The following TRAPPC9 variants were observed in gnomAD, a reference collection of about 807,000 sequenced individuals.
The protein encoded by TRAPPC9 is IKK2 binding protein.
Under a neutral mutation model 124.0 loss-of-function variants are expected in TRAPPC9, and 83 were observed. The observed-to-expected ratio is 0.67, with a 90% CI of 0.56 to 0.80. The LOEUF is 0.80. TRAPPC9 is among the 30% of genes least tolerant of loss of function. The probability of loss-of-function intolerance (pLI) is 0.00; values close to 1 mark genes in which losing one functional copy is unlikely to be tolerated. For missense variants in TRAPPC9, 1,302 were observed against 1,508.3 expected, an observed-to-expected ratio of 0.86 and a Z score of 2.27; for synonymous variants, 638 against 617.5, an observed-to-expected ratio of 1.03 and a Z score of -0.49.
chr8:139,970,895 C>T (rs1431613734), intron 19 of TRAPPC9, among the ~76,000 whole-genome samples: 3 of 152,056 alleles, frequency 2.0e-5, no homozygotes, highest in African/African-American at 7.2e-5. Flanking sequence ...ACAACCTCTG[C>T]CCCCTGTCGA....
intron 17 of TRAPPC9, among the ~76,000 whole-genome samples, chr8:140,147,027 T>C (rs1183689870): frequency 6.6e-6 from 1 of 152,260 alleles, no homozygotes; most frequent in African/African-American, 2.4e-5. Flanking sequence ...GGTGCAAAAG[T>C]AACTGCAGTT....
chr8:140,048,997 G>A lies in TRAPPC9; in HGVS notation c.2557-24918C>T, dbSNP rs75406540. Among the ~76,000 whole-genome samples the A allele has an allele frequency of 9.7e-3, 1,478 of 152,276 alleles. 22 individuals carry two copies. The highest frequency in any genetic ancestry group is 0.034 in the African/African-American group (1,398 of 41,548). On this transcript the variant is annotated intron_variant, in intron 17 of 22. Transcript: ENST00000438773. ...AAAAGGAAACACGAGAAGCTGAGGC[G>A]GAAGGAAGGCGGGCCTGCAGGGGTG...
intron 5 of TRAPPC9, among the ~76,000 whole-genome samples, chr8:140,407,293 T>C (rs994008820): frequency 6.6e-6 from 1 of 152,230 alleles, no homozygotes; most frequent in Non-Finnish European, 1.5e-5. Flanking sequence ...TTCATGCTTA[T>C]AATACATTTG....
rs139306661 is a variant in TRAPPC9, at chr8:140,182,444, G to A, written c.2556+39015C>T. Among the ~76,000 whole-genome samples the A allele has an allele frequency of 4.8e-4, 73 of 151,876 alleles. No homozygotes were observed. The highest frequency in any genetic ancestry group is 1.7e-3 in the African/African-American group (69 of 41,400). ...TGGCCGCTTCCCAAAGCTGTTATTCGATAGACAGAAAACAGCTTCACTACT... is the reference window on the plus strand; with the variant it reads ...TGGCCGCTTCCCAAAGCTGTTATTCAATAGACAGAAAACAGCTTCACTACT... On this transcript the variant is annotated intron_variant, in intron 17 of 22. Coordinates refer to ENST00000438773, the MANE Select transcript of TRAPPC9 (RefSeq NM_001160372.4). This position sits in a 1 kb window ranked among gnomAD's most constrained non-coding sequence, Gnocchi z 4.0.
At chr8:139,761,558 T>C (rs1405853534) in intron 21 of TRAPPC9, among the ~76,000 whole-genome samples, 2 of 152,080 alleles carry the variant, frequency 1.3e-5, no homozygotes, top group East Asian at 3.9e-4. Context: ...TGCCTGGTAC[T>C]ATGACCCCGC....
intron 4 of TRAPPC9, among the ~76,000 whole-genome samples, chr8:140,431,011 T>G (rs1030056760): frequency 6.6e-6 from 1 of 152,142 alleles, no homozygotes; most frequent in Non-Finnish European, 1.5e-5. Flanking sequence ...GTCTCTCAGT[T>G]GGTTGTTGAA....
chr8:139,768,800 A>G (rs1044116952), intron 21 of TRAPPC9, among the ~76,000 whole-genome samples: 2 of 152,230 alleles, frequency 1.3e-5, no homozygotes, highest in Non-Finnish European at 2.9e-5. Flanking sequence ...TCCCATGTTG[A>G]AGCCCTAAAG....
intron 21 of TRAPPC9, among the ~76,000 whole-genome samples, chr8:139,798,770 G>T (rs1167112039): frequency 6.6e-6 from 1 of 152,180 alleles, no homozygotes. Flanking sequence ...TCTTGCATCA[G>T]TTCCTGCTAT....
chr8:140,207,541 A>G (rs959448237), intron 17 of TRAPPC9, among the ~76,000 whole-genome samples: 12 of 152,130 alleles, frequency 7.9e-5, no homozygotes, highest in Admixed American at 7.9e-4. Flanking sequence ...TTTTTTTCCT[A>G]CTGTCTTCAC....
intron 21 of TRAPPC9, among the ~76,000 whole-genome samples, chr8:139,831,264 G>C (rs1397634555): frequency 6.6e-6 from 1 of 152,176 alleles, no homozygotes; most frequent in East Asian, 1.9e-4. Context: ...GCTGTGTCGT[G>C]TGTGTCTGAC....
intron 17 of TRAPPC9, among the ~76,000 whole-genome samples, chr8:140,210,313 G>A (rs905956707): frequency 2.6e-5 from 4 of 152,218 alleles, no homozygotes; most frequent in Non-Finnish European, 2.9e-5. Flanking sequence ...AGGGACCCCC[G>A]CCTCACAGGT....
intron 17 of TRAPPC9, among the ~76,000 whole-genome samples, chr8:140,045,432 C>T (rs561392607): frequency 6.6e-6 from 1 of 152,106 alleles, no homozygotes; most frequent in South Asian, 2.1e-4. Flanking sequence ...TAGAGACCAT[C>T]CTGGCCAACA....
intron 9 of TRAPPC9, among the ~76,000 whole-genome samples, chr8:140,356,447 A>G (rs2067747938): frequency 6.6e-6 from 1 of 152,210 alleles, no homozygotes; most frequent in Non-Finnish European, 1.5e-5. Flanking sequence ...TTGATCCTGC[A>G]TACACGCTCA....
intron 19 of TRAPPC9, among the ~76,000 whole-genome samples, chr8:139,917,550 A>G (rs1012913067): frequency 1.3e-5 from 2 of 152,228 alleles, no homozygotes; most frequent in Non-Finnish European, 2.9e-5. Flanking sequence ...GATCCAATCA[A>G]AGCACCATCG....
chr8:139,821,782 G>A (rs965803093), intron 21 of TRAPPC9, among the ~76,000 whole-genome samples: 2 of 152,322 alleles, frequency 1.3e-5, no homozygotes, highest in African/African-American at 2.4e-5. Flanking sequence ...CACGGGACCC[G>A]TGAGCTTGTT....
chr8:139,955,330 G>A (rs7836312), intron 19 of TRAPPC9, among the ~76,000 whole-genome samples: 41,873 of 151,884 alleles, frequency 0.28, 6,271 homozygotes, highest in East Asian at 0.63. Flanking sequence ...GATCATCTCC[G>A]TGTGGGTTCT....
intron 18 of TRAPPC9, among the ~76,000 whole-genome samples, chr8:139,995,495 G>T (rs1171327312): frequency 6.6e-6 from 1 of 152,122 alleles, no homozygotes; most frequent in East Asian, 1.9e-4. Flanking sequence ...AAACCAGGGG[G>T]CCAGTTTGCA....
intron 21 of TRAPPC9, among the ~76,000 whole-genome samples, chr8:139,751,374 T>G (rs1819296501): frequency 6.6e-6 from 1 of 152,164 alleles, no homozygotes; most frequent in Non-Finnish European, 1.5e-5. Context: ...CCTGGCCCTT[T>G]CAGACACCAG....
chr8:139,810,526 T>A (rs1036164433), intron 21 of TRAPPC9, among the ~76,000 whole-genome samples: 3 of 151,880 alleles, frequency 2.0e-5, no homozygotes, highest in Non-Finnish European at 4.4e-5. Flanking sequence ...GGCTCCCCCA[T>A]CCCCTGAGAG....
Sources: gnomAD v4.1 joint callset for allele counts (sites outside exome capture counted in the v4.1 genomes callset) on GRCh38, gnomAD v4.1.1 for gene constraint, Gnocchi (gnomAD v3.1) non-coding constraint, MANE v1.5 for transcripts, NCBI Gene and HGNC (gene_info 2026-07-23, HGNC 2026-07-21) for gene names.